RMI1: variants seen among roughly 807,000 people sequenced by gnomAD.
RMI1 encodes the protein recQ-mediated genome instability protein 1.
In RMI1, 36 loss-of-function variants were observed where a neutral mutation model predicts 46.7. The ratio of observed to expected loss-of-function variants is 0.77; its 90% CI spans 0.59 to 1.02. The LOEUF (loss-of-function observed/expected upper bound fraction) is 1.02. Among genes scored for constraint, RMI1 ranks in the 50% least tolerant of loss-of-function variants. The pLI, the probability that RMI1 is intolerant of heterozygous loss-of-function variation, is 0.00. For synonymous variants in RMI1, 250 were observed against 252.9 expected, an observed-to-expected ratio of 0.99 and a Z score of 0.11; for missense variants, 676 against 713.7, an observed-to-expected ratio of 0.95 and a Z score of 0.60.
chr9:83,982,545 G>A (rs147788565), intron 1 of RMI1, among the ~76,000 whole-genome samples: 233 of 152,246 alleles, frequency 1.5e-3, no homozygotes, highest in African/African-American at 5.2e-3. Context: ...GCAGGAGCCT[G>A]TAGTCCCAGC....
intron 1 of RMI1, among the ~76,000 whole-genome samples, chr9:83,995,969 A>T (rs1014430670): frequency 2.7e-5 from 4 of 150,282 alleles, no homozygotes; most frequent in Admixed American, 1.3e-4. Context: ...TCAAAGAGAT[A>T]AAAAAAAAAT....
intron 1 of RMI1, among the ~76,000 whole-genome samples, chr9:83,996,779 A>G (rs943326850): frequency 6.6e-6 from 1 of 152,090 alleles, no homozygotes. Flanking sequence ...CAGGCTGGGG[A>G]GGCCTCAGGA....
chr9:83,983,979 C>CT (rs971856073), intron 1 of RMI1, among the ~76,000 whole-genome samples: 2 of 151,640 alleles, frequency 1.3e-5, no homozygotes, highest in Non-Finnish European at 2.9e-5. Flanking sequence ...ATGTATTTAA[C>CT]TTTTTTTCCC....
upstream of RMI1, chr9:83,980,736 A>T (rs1398502311): frequency 6.6e-6 from 1 of 152,258 alleles, no homozygotes; most frequent in South Asian, 2.1e-4. Context: ...TCCAGCCCCG[A>T]AGGAGTCCTT....
intron 1 of RMI1, among the ~76,000 whole-genome samples, chr9:83,992,274 C>A (rs1037093141): frequency 7.9e-5 from 12 of 152,098 alleles, no homozygotes; most frequent in African/African-American, 2.9e-4. Context: ...TTAAAGACAC[C>A]TCATTTAATA....
Position 84,001,493 on chromosome 9 carries a change from T to C in RMI1, c.507T>C (p.Ile169=), listed in dbSNP as rs148703094. ...TTCCTCCAGGTACAAAAATTTTGAT[T>C]TATGGAAATATATCTTTCCGTCTTG... ...SDLPPGTKIL[I]YGNISFRLGV... Residue 169 remains isoleucine, a synonymous_variant, in exon 3 of 3, where the codon ATT becomes ATC. Transcript: ENST00000445877. 1.6e-4 allele frequency: 259 copies of C among 1,613,902 alleles called. No homozygotes were observed. Among genetic ancestry groups the C allele is most frequent in the Non-Finnish European group, 2.1e-4 (244 of 1,179,986 alleles).
In RMI1 at chr9:84,001,530, T is replaced by C. The variant is rs574820595; in HGVS notation, c.544T>C (p.Leu182=). Residue 182 remains leucine, a synonymous_variant, in exon 3 of 3, where the codon TTG becomes CTG. Transcript: ENST00000445877. ...ATCTTTCCGTCTTGGTGTTCTCTTATTGAAACCAGAAAACGTGAAAGTGTT... is the reference window on the plus strand; with the variant it reads ...ATCTTTCCGTCTTGGTGTTCTCTTACTGAAACCAGAAAACGTGAAAGTGTT... The part of the protein sequence containing the change: ...NISFRLGVLL[L]KPENVKVLGG... The C allele has an allele frequency of 1.2e-5, 19 of 1,613,802 alleles. No individual in the cohort carries two copies. The highest frequency in any genetic ancestry group is 2.7e-5 in the African/African-American group (2 of 75,020).
In RMI1 at chr9:84,002,146, A is replaced by G. The variant is rs1435690528; in HGVS notation, c.1160A>G (p.Lys387Arg). 19 of 1,613,686 alleles carry G rather than the reference A, an allele frequency of 1.2e-5. No individual in the cohort carries two copies. In the East Asian group the frequency reaches 1.8e-4, roughly 15 times the overall value. ...TCTGAACAAATGACTAATGAAGACA[A>G]ATCATTTGGTTGTCCATCTGTTAGA... ...NVSEQMTNED[K>R]SFGCPSVRDQ... Residue 387 changes from lysine (K) to arginine (R), a missense_variant, in exon 3 of 3, where the codon AAA becomes AGA. Physicochemically the swap from Lys to Arg is conservative, Grantham distance 26 (BLOSUM62 2). Coordinates refer to ENST00000445877, the MANE Select transcript of RMI1 (RefSeq NM_001358291.2).
At chr9:83,983,974 T>G (rs1957454689) in intron 1 of RMI1, among the ~76,000 whole-genome samples, 1 of 152,180 alleles carries the variant, frequency 6.6e-6, no homozygotes, top group Non-Finnish European at 1.5e-5. Context: ...GTGCTATGTA[T>G]TTAACTTTTT....
In RMI1 at chr9:84,001,451, A is replaced by G; in HGVS notation, c.465A>G (p.Pro155=). The G allele has an allele frequency of 1.2e-6, 2 of 1,614,086 alleles. No individual in the cohort carries two copies. Among genetic ancestry groups the G allele is most frequent in the South Asian group, 1.1e-5 (1 of 91,082 alleles). The part of the protein sequence containing the change: ...QIQGMEYQPI[P]ILHSDLPPGT... ...AGGGAATGGAATATCAGCCTATTCC[A>G]ATTCTTCATAGTGATCTTCCTCCAG... The change falls in exon 3 of 3, where the codon CCA becomes CCG. Residue 155 remains proline (P), a synonymous_variant. Coordinates refer to ENST00000445877, the MANE Select transcript of RMI1 (RefSeq NM_001358291.2).
intron 1 of RMI1, among the ~76,000 whole-genome samples, chr9:83,992,230 G>A (rs984527798): frequency 4.6e-5 from 7 of 152,202 alleles, no homozygotes; most frequent in Admixed American, 1.3e-4. Flanking sequence ...TGTTTTGTCC[G>A]TTGCTTGTGC....
At chr9:83,992,514 G>A (rs1335378895) in intron 1 of RMI1, among the ~76,000 whole-genome samples, 2 of 150,906 alleles carry the variant, frequency 1.3e-5, no homozygotes, top group African/African-American at 4.9e-5. Flanking sequence ...AGCACTAAAA[G>A]GAGACTTGTT....
chr9:84,002,050 A>G lies in RMI1; in HGVS notation c.1064A>G (p.Asn355Ser). The G allele has an allele frequency of 6.2e-7, 1 of 1,613,854 alleles. No homozygotes were observed. Among genetic ancestry groups the G allele is most frequent in the South Asian group, 1.1e-5 (1 of 91,074 alleles). Residue 355 changes from asparagine to serine, a missense_variant, in exon 3 of 3, where the codon AAT becomes AGT. Physicochemically the swap from Asn to Ser is conservative, Grantham distance 46 (BLOSUM62 1). Coordinates refer to ENST00000445877, the MANE Select transcript of RMI1 (RefSeq NM_001358291.2). ...ADRSIERFSHNPNTTNNFSLT... is the reference protein window; with the variant it reads ...ADRSIERFSHSPNTTNNFSLT... ...CGAAGTATAGAGAGATTTTCACATA[A>G]TCCTAATACTACGAATAACTTTTCT...
In RMI1 at chr9:84,003,046, C is replaced by CT. The variant is rs10602387; in HGVS notation, c.*199dup. On this transcript the variant is annotated 3_prime_UTR_variant, in exon 3 of 3. Coordinates refer to ENST00000445877, the MANE Select transcript of RMI1 (RefSeq NM_001358291.2). ...GTGGAGCTTTTGAAAATAAGTTAAT[C>CT]TTTTTTTTTTTTTTTTTAATGTCAG... 1,059 of 318,348 alleles carry CT rather than the reference C, an allele frequency of 3.3e-3. 2 individuals are homozygous for CT. Among genetic ancestry groups the CT allele is most frequent in the East Asian group, 9.1e-3 (161 of 17,758 alleles). 19.7% of individuals were successfully genotyped at this position (318,348 alleles called of 1,614,324 possible).
At chr9:83,987,261 C>T (rs771910856) in intron 1 of RMI1, among the ~76,000 whole-genome samples, 1 of 152,176 alleles carries the variant, frequency 6.6e-6, no homozygotes, top group Non-Finnish European at 1.5e-5. Context: ...TGGGGTTTCA[C>T]CATGTTGACT....
intron 1 of RMI1, among the ~76,000 whole-genome samples, chr9:83,987,332 C>T (rs935990406): frequency 7.9e-5 from 12 of 152,292 alleles, no homozygotes; most frequent in African/African-American, 1.7e-4. Flanking sequence ...GGGTTACAGG[C>T]GTGAGCCACC....
At position 84,002,377 on chromosome 9, in the gene RMI1, G is replaced by A. The variant is rs771437535; in HGVS notation, c.1391G>A (p.Cys464Tyr). 3.1e-6 allele frequency: 5 copies of A among 1,609,998 alleles called. No homozygotes were observed. Among genetic ancestry groups the A allele is most frequent in the African/African-American group, 1.3e-5 (1 of 74,684 alleles). Reference protein sequence around the residue: ...RNSQISNENDCNLQSCSLRSS... With the variant: ...RNSQISNENDYNLQSCSLRSS... ...TCACAAATTTCTAATGAAAATGATT[G>A]TAATTTACAGAGTTGTTCTTTAAGA... Residue 464 changes from cysteine to tyrosine, a missense_variant, in exon 3 of 3, where the codon TGT becomes TAT. Cys to Tyr is a radical substitution (Grantham distance 194, BLOSUM62 -2). Transcript: ENST00000445877.
chr9:83,997,548 C>T (rs1027305417), intron 1 of RMI1, among the ~76,000 whole-genome samples: 2 of 152,074 alleles, frequency 1.3e-5, no homozygotes, highest in African/African-American at 4.8e-5. Context: ...GGGCTCCGCA[C>T]CCACTGGGAG....
At chr9:83,993,514 G>A (rs966537386) in intron 1 of RMI1, among the ~76,000 whole-genome samples, 49 of 152,278 alleles carry the variant, frequency 3.2e-4, no homozygotes, top group African/African-American at 1.1e-3. Flanking sequence ...CTAGAAGTGG[G>A]ATAATGTGGT....
Sources: gnomAD v4.1 joint callset for allele counts (sites outside exome capture counted in the v4.1 genomes callset) on GRCh38, gnomAD v4.1.1 for gene constraint, MANE v1.5 for transcripts, NCBI Gene and HGNC (gene_info 2026-07-23, HGNC 2026-07-21) for gene names.